Variants in EGFL6 observed in about 807,000 individuals in gnomAD.
EGFL6 encodes EGF like domain multiple 6.
In EGFL6, 42 loss-of-function variants were observed where a neutral mutation model predicts 43.1. The observed-to-expected ratio is 0.98, with a 90% confidence interval of 0.76 to 1.26. The LOEUF (loss-of-function observed/expected upper bound fraction) is 1.26, where lower values mean the gene tolerates loss of function less well. Ranked by LOEUF, EGFL6 falls within the 50% of genes most tolerant of loss-of-function variation. The pLI, the probability that EGFL6 is intolerant of heterozygous loss-of-function variation, is 0.00. For missense variants in EGFL6, 429 were observed against 427.8 expected (o/e 1.00, Z -0.02); for synonymous variants, 164 against 163.2 (o/e 1.01, Z -0.04).
chrX:13,576,225 G>A (rs1012051254), intron 1 of EGFL6, among the ~76,000 whole-genome samples: 3 of 111,907 alleles, frequency 2.7e-5, no homozygotes, highest in Admixed American at 9.5e-5. Flanking sequence ...AAGGTGAAGC[G>A]GGAGCAGGTG....
chrX:13,600,148 C>T, intron 4 of EGFL6, 54 bp downstream of exon 4: 2 of 1,139,572 alleles, frequency 1.8e-6, no homozygotes, highest in Non-Finnish European at 2.3e-6. Context: ...TTGGCTTTTG[C>T]CATTTGATGC....
At position 13,588,687 on chromosome X, in the gene EGFL6, C is replaced by A. The variant is rs150363714; in HGVS notation, c.75-869C>A. Among the ~76,000 whole-genome samples the A allele has an allele frequency of 9.4e-3, 1,043 of 110,437 alleles. 12 individuals carry two copies. The highest frequency in any genetic ancestry group is 0.033 in the African/African-American group (994 of 30,382). ...CCCCTCTTTATAAACAGCCCATGAG[C>A]GAAGAACAGTTTTTACATTTTTAAA... On this transcript the variant is annotated intron_variant, in intron 1 of 11. Transcript: ENST00000361306.
intron 4 of EGFL6, among the ~76,000 whole-genome samples, chrX:13,602,343 C>T (rs1444513426): frequency 1.8e-5 from 2 of 112,096 alleles, no homozygotes; most frequent in Non-Finnish European, 3.8e-5. Flanking sequence ...TCCACACATA[C>T]TGGACTGCTG....
chrX:13,632,197 C>T (rs1015352313), intron 11 of EGFL6, among the ~76,000 whole-genome samples: 45 of 104,999 alleles, frequency 4.3e-4, no homozygotes, highest in African/African-American at 1.5e-3. Context: ...ATCCCAGCAA[C>T]AGAGTGAGAC....
Position 13,606,434 on chromosome X carries a change from G to C in EGFL6, c.576G>C (p.Val192=), listed in dbSNP as rs1569206895. ...KVICPYNRRC[V]NTFGSYYCKC... ...TCTGTCCCTACAATCGAAGATGTGTGAACACATTTGGAAGCTACTACTGCA... is the reference window on the plus strand; with the variant it reads ...TCTGTCCCTACAATCGAAGATGTGTCAACACATTTGGAAGCTACTACTGCA... The change falls in exon 6 of 12, where the codon GTG becomes GTC. Residue 192 remains valine (V), a synonymous_variant. Transcript: ENST00000361306. 1 of 1,210,477 alleles carries C rather than the reference G, an allele frequency of 8.3e-7. No individual in the cohort carries two copies. Among genetic ancestry groups the C allele is most frequent in the Non-Finnish European group, 1.1e-6 (1 of 894,330 alleles).
intron 4 of EGFL6, among the ~76,000 whole-genome samples, chrX:13,600,377 C>T (rs2146971338): frequency 1.0e-5 from 1 of 97,573 alleles, no homozygotes; most frequent in African/African-American, 3.8e-5. Context: ...ACTTCTGCCT[C>T]CTGAGTTCAA....
Position 13,569,644 on chromosome X carries a change from C to G in EGFL6, c.-218C>G. The G allele has an allele frequency of 5.2e-6, 2 of 387,369 alleles. No homozygotes were observed. Among genetic ancestry groups the G allele is most frequent in the Admixed American group, 4.3e-5 (1 of 23,521 alleles). 31.9% of individuals were successfully genotyped at this position (387,369 alleles called of 1,213,427 possible). On this transcript the variant is annotated 5_prime_UTR_variant, in exon 1 of 12. Transcript: ENST00000361306. Reference sequence around the variant, plus strand: ...CATCCGCAGAGGAGCCTCGGCCAGGCTTGCCAGGGCGCCCCCAGCCCCTCC... The same window carrying G: ...CATCCGCAGAGGAGCCTCGGCCAGGGTTGCCAGGGCGCCCCCAGCCCCTCC...
intron 7 of EGFL6, among the ~76,000 whole-genome samples, chrX:13,612,408 T>G (rs2045694598): frequency 9.2e-6 from 1 of 108,684 alleles, no homozygotes; most frequent in Non-Finnish European, 1.9e-5. Flanking sequence ...AGAATTTTTC[T>G]TAGTACAGAA....
In EGFL6 at chrX:13,569,837, A is replaced by G. The variant is rs2146957709; in HGVS notation, c.-25A>G. 1.7e-6 allele frequency: 2 copies of G among 1,207,171 alleles called. No individual in the cohort carries two copies. The highest frequency in any genetic ancestry group is 2.2e-6 in the Non-Finnish European group (2 of 891,606). ...GGCGCCCTCCCGAGGGGGGCTCAGG[A>G]GGAGGAAGGAGGACCCGTGCGAGAA... On this transcript the variant is annotated 5_prime_UTR_variant, in exon 1 of 12. Transcript: ENST00000361306.
chrX:13,573,496 T>C lies in EGFL6; in HGVS notation c.74+3561T>C, dbSNP rs1602633975. On this transcript the variant is annotated intron_variant, in intron 1 of 11. Transcript: ENST00000361306. ...TTAGTTTCACTGGCTTAGAAAGTGT[T>C]AAAGTCCTATTTATATGTAATTCAT... Among the ~76,000 whole-genome samples, 5 of 112,321 alleles carry C rather than the reference T, an allele frequency of 4.5e-5. 1 individual carries two copies. The Admixed American group carries it at 4.7e-4, about 11-fold the overall frequency.
intron 7 of EGFL6, among the ~76,000 whole-genome samples, chrX:13,616,901 C>T (rs1203224056): frequency 1.4e-4 from 13 of 93,590 alleles, no homozygotes; most frequent in Non-Finnish European, 2.7e-4. Flanking sequence ...CTCGCTCTGT[C>T]GCCCAGGCCG....
chrX:13,577,240 T>TA (rs2045476309), intron 1 of EGFL6, among the ~76,000 whole-genome samples: 2 of 98,228 alleles, frequency 2.0e-5, no homozygotes, highest in South Asian at 9.2e-4. Flanking sequence ...TTAGGTAAAT[T>TA]AATAAATGAC....
At chrX:13,610,043 A>T (rs932963685) in intron 7 of EGFL6, among the ~76,000 whole-genome samples, 1 of 111,764 alleles carries the variant, frequency 8.9e-6, no homozygotes, top group African/African-American at 3.3e-5. Context: ...CATGCTAGAC[A>T]TTCAGCGCCA....
chrX:13,632,200 A>G (rs2045814820), intron 11 of EGFL6, among the ~76,000 whole-genome samples: 1 of 107,239 alleles, frequency 9.3e-6, no homozygotes, highest in African/African-American at 3.4e-5. Context: ...CCAGCAACAG[A>G]GTGAGACTCC....
chrX:13,598,367 A>C (rs2045611815), intron 3 of EGFL6, among the ~76,000 whole-genome samples: 1 of 111,421 alleles, frequency 9.0e-6, no homozygotes, highest in Non-Finnish European at 1.9e-5. Context: ...ATCTGTTACC[A>C]TGCTGACCTT....
At chrX:13,597,015 A>C (rs1370284847) in intron 3 of EGFL6, among the ~76,000 whole-genome samples, 2 of 112,117 alleles carry the variant, frequency 1.8e-5, no homozygotes, top group African/African-American at 6.5e-5. Context: ...CTTGACAATG[A>C]CTGGGGACAA....
At chrX:13,619,942 G>A (rs1480704564) in intron 9 of EGFL6, among the ~76,000 whole-genome samples, 1 of 111,744 alleles carries the variant, frequency 8.9e-6, no homozygotes, top group Non-Finnish European at 1.9e-5. Context: ...AGGGTTTCAG[G>A]AAAGAGAGCA....
At chrX:13,586,283 A>T (rs1384490691) in intron 1 of EGFL6, among the ~76,000 whole-genome samples, 2 of 112,055 alleles carry the variant, frequency 1.8e-5, no homozygotes. Context: ...ACTCTCATAT[A>T]TTGCTGATGG....
chrX:13,624,036 T>C (rs2045765365), intron 10 of EGFL6, 111 bp downstream of exon 10: 1 of 617,300 alleles, frequency 1.6e-6, no homozygotes, highest in South Asian at 3.0e-5. Flanking sequence ...TTGTTTGTCA[T>C]TTTTGGAAAC....
Sources: gnomAD v4.1 joint callset for allele counts (sites outside exome capture counted in the v4.1 genomes callset) on GRCh38, gnomAD v4.1.1 for gene constraint, MANE v1.5 for transcripts, NCBI Gene and HGNC (gene_info 2026-07-23, HGNC 2026-07-21) for gene names.